Variants in GLOD4 observed in about 807,000 individuals in gnomAD.
GLOD4 encodes the protein glyoxalase domain-containing protein 4.
A neutral mutation model predicts 39.1 loss-of-function variants in GLOD4; 44 were observed. The observed-to-expected ratio is 1.13, with a 90% CI of 0.88 to 1.45. GLOD4 has a LOEUF of 1.45. Among genes scored for constraint, GLOD4 ranks in the 40% most tolerant of loss-of-function variants. GLOD4 has a pLI of 0.00. For synonymous variants in GLOD4, 145 were observed against 135.0 expected (o/e 1.07, Z -0.52); for missense variants, 405 against 366.4 (o/e 1.11, Z -0.86).
chr17:762,959 G>A (rs980594044), intron 8 of GLOD4, among the ~76,000 whole-genome samples: 1 of 151,370 alleles, frequency 6.6e-6, no homozygotes, highest in African/African-American at 2.4e-5. Context: ...GGCGGATCAC[G>A]AGGTCAGGAG....
At position 768,730 on chromosome 17, in the gene GLOD4, AG is replaced by A. The variant is rs1338258335; in HGVS notation, c.831+1138del. On this transcript the variant is annotated intron_variant, in intron 8 of 8. Transcript: ENST00000301329. The stretch of plus-strand genomic sequence containing the variant: ...GAAATCTGGAGAGGACGTGAGAGAG[AG>A]AAACAGCGCGCACTCAGATTTTTAG... Among the ~76,000 whole-genome samples, 3 of 138,400 alleles carry A rather than the reference AG, an allele frequency of 2.2e-5. 1 individual carries two copies. The highest frequency in any genetic ancestry group is 2.8e-5 in the African/African-American group (1 of 36,176). The allele number at this position is 138,400 out of a possible 152,430, so 90.8% of individuals were successfully genotyped here.
chr17:782,383 C>T (rs1365701406), upstream of GLOD4: 24 of 1,613,442 alleles, frequency 1.5e-5, no homozygotes, highest in Non-Finnish European at 1.8e-5. Flanking sequence ...GGGAACATGG[C>T]GGCGCTGGTG....
intron 8 of GLOD4, chr17:764,108 G>A (rs1216690218): frequency 1.3e-5 from 2 of 152,146 alleles, no homozygotes; most frequent in Admixed American, 1.3e-4. Flanking sequence ...ACAAAAATAA[G>A]TAAATGGCTA....
rs1907676467 is a variant in GLOD4 at position 770,118 on chromosome 17, T to G, written c.670A>C (p.Lys224Gln). The change falls in exon 7 of 9, where the codon AAG (lysine) becomes CAG (glutamine). Residue 224 changes from lysine to glutamine, a missense_variant. Transcript: ENST00000301329. ...AGGCTCACCAGGGGAGTCAGAATCT[T>G]CTGGTTCTCCCTTTTCATCAAGTCT... The part of the protein sequence containing the change: ...LEDLMKRENQ[K>Q]ILTPLVSLDT... 2 of 1,612,386 alleles carry G rather than the reference T, an allele frequency of 1.2e-6. No individual in the cohort carries two copies. Among genetic ancestry groups the G allele is most frequent in the African/African-American group, 2.7e-5 (2 of 74,844 alleles).
chr17:775,812 A>C lies in GLOD4; in HGVS notation c.369T>G (p.Tyr123Ter), dbSNP rs1272538058. The C allele has an allele frequency of 1.2e-6, 2 of 1,614,026 alleles. No homozygotes were observed. The highest frequency in any genetic ancestry group is 1.7e-6 in the Non-Finnish European group (2 of 1,179,900). ...GACTGCGATTCTGCAAATAGAACTT[A>C]TATCCTCCCGGGGCCTCGGTTTCAA... The part of the protein sequence containing the change: ...GVFETEAPGG[Y>*]KFYLQNRSLP... The change falls in exon 4 of 9, where the codon TAT (tyrosine) becomes TAG (stop). Residue 123 changes from tyrosine to a stop codon, truncating the protein, a stop_gained. Coordinates refer to ENST00000301329, the MANE Select transcript of GLOD4 (RefSeq NM_016080.4). LOFTEE classifies it high-confidence loss of function.
At chr17:762,714 C>T (rs150515673) in intron 8 of GLOD4, among the ~76,000 whole-genome samples, 135 of 142,164 alleles carry the variant, frequency 9.5e-4, no homozygotes, top group African/African-American at 3.3e-3. Context: ...CTACTCAGTG[C>T]GTGATCTTCA....
chr17:765,736 A>AC (rs2081707718), intron 8 of GLOD4, among the ~76,000 whole-genome samples: 1 of 151,748 alleles, frequency 6.6e-6, no homozygotes, highest in African/African-American at 2.4e-5. Flanking sequence ...GAGCCACCGC[A>AC]CCCGGCCTAC....
At chr17:780,065 G>A (rs1269119410) in intron 1 of GLOD4, among the ~76,000 whole-genome samples, 1 of 152,174 alleles carries the variant, frequency 6.6e-6, no homozygotes, top group Non-Finnish European at 1.5e-5. Context: ...TCGGGAGGCT[G>A]AGGCAGGAGA....
At chr17:782,360 AG>A, upstream of GLOD4, 1 of 1,613,236 alleles carries the variant, frequency 6.2e-7, no homozygotes, top group Non-Finnish European at 8.5e-7. Context: ...TTCGTGACGC[AG>A]CCCGGGTCTC....
chr17:775,758 G>C lies in GLOD4; in HGVS notation c.406+17C>G. 1 of 1,607,176 alleles carries C rather than the reference G, an allele frequency of 6.2e-7. No homozygotes were observed. Among genetic ancestry groups the C allele is most frequent in the Non-Finnish European group, 8.5e-7 (1 of 1,174,004 alleles). On this transcript the variant is annotated intron_variant, in intron 4 of 8. Coordinates refer to ENST00000301329, the MANE Select transcript of GLOD4 (RefSeq NM_016080.4). The stretch of plus-strand genomic sequence containing the variant: ...ATGCCTTTAGACAGAGGCTTTTACT[G>C]GTTCTGGTATAATTACCTGACTGAG...
At chr17:761,463 G>A (rs1454062947) in intron 8 of GLOD4, among the ~76,000 whole-genome samples, 2 of 152,306 alleles carry the variant, frequency 1.3e-5, no homozygotes, top group South Asian at 2.1e-4. Context: ...GCCATAAAAA[G>A]TGGGAGGAAA....
Position 771,155 on chromosome 17 carries a change from G to C in GLOD4, c.543+170C>G, listed in dbSNP as rs1907885193. The C allele has an allele frequency of 3.4e-5, 17 of 502,988 alleles. No homozygotes were observed. In the South Asian group the frequency reaches 4.7e-4, roughly 14 times the overall value. The allele number at this position is 502,988 out of a possible 1,614,324, so 31.2% of individuals were successfully genotyped here. ...AAACAAGGTAATATCTGGGTGGTAA[G>C]GTTATCACTTATTTTCTTCTGTTTA... On this transcript the variant is annotated intron_variant, in intron 5 of 8. Coordinates refer to ENST00000301329, the MANE Select transcript of GLOD4 (RefSeq NM_016080.4).
chr17:771,533 T>G (rs1331927659), intron 4 of GLOD4, 72 bp from the exon 5 acceptor site: 5 of 790,406 alleles, frequency 6.3e-6, no homozygotes, highest in Non-Finnish European at 9.8e-6. Context: ...AACATGCGCA[T>G]GTATACTTAC....
chr17:775,719 T>C (rs948072197), intron 4 of GLOD4, 56 bp downstream of exon 4: 4 of 1,457,586 alleles, frequency 2.7e-6, no homozygotes, highest in East Asian at 4.6e-5. Context: ...GCCCTCACTC[T>C]CCTTTCACCA....
chr17:782,214 TC>T lies in GLOD4; in HGVS notation c.41del (p.Gly14GlufsTer16). 1 of 1,613,556 alleles carries T rather than the reference TC, an allele frequency of 6.2e-7. No individual in the cohort carries two copies. Among genetic ancestry groups the T allele is most frequent in the African/African-American group, 1.3e-5 (1 of 75,042 alleles). ...AGAAACGCGCCGTCTGGAAGCGGTT[TC>T]CCACTTTGAATACGAAGTGCAGAGC... The part of the protein sequence containing the change: ...RRALHFVFKV[G>X]NRFQTARFYR... On this transcript the variant is annotated frameshift_variant, in exon 1 of 9. Transcript: ENST00000301329. LOFTEE classifies it high-confidence loss of function.
At chr17:780,113 G>A (rs1386586346) in intron 1 of GLOD4, among the ~76,000 whole-genome samples, 4 of 152,114 alleles carry the variant, frequency 2.6e-5, no homozygotes, top group South Asian at 2.1e-4. Context: ...GCAGTGAGCC[G>A]AGATTGCGCC....
At chr17:783,108 A>C (rs764346542), upstream of GLOD4, 22 of 1,613,554 alleles carry the variant, frequency 1.4e-5, no homozygotes, top group African/African-American at 2.5e-4. Context: ...AGTAAAGTCC[A>C]GGCCATTTCG....
chr17:777,755 T>C (rs747185550), intron 2 of GLOD4: 2 of 152,208 alleles, frequency 1.3e-5, no homozygotes, highest in Admixed American at 1.3e-4. Context: ...GTCTCAGAGC[T>C]CCCAAAACCT....
chr17:779,933 G>C (rs1011612189), intron 1 of GLOD4, among the ~76,000 whole-genome samples: 2 of 152,108 alleles, frequency 1.3e-5, no homozygotes, highest in African/African-American at 4.8e-5. Context: ...GGGAGGCCGA[G>C]GTGGGTGGAT....
Sources: allele counts gnomAD v4.1 joint callset (sites outside exome capture counted in the v4.1 genomes callset), GRCh38; gene constraint gnomAD v4.1.1; transcripts MANE v1.5; gene names NCBI Gene and HGNC (gene_info 2026-07-23, HGNC 2026-07-21).